Variants in AKAP19 observed in about 807,000 individuals in gnomAD.
AKAP19 encodes A-kinase anchoring protein 19.
At chr2:190,200,510 T>TTTTG in the AKAP19 span, 7 of 188,858 alleles carry the variant, frequency 3.7e-5, no homozygotes, top group Non-Finnish European at 7.4e-5. Context: ...AAATAACAAT[T>TTTTG]TTTGTTTGTT....
the AKAP19 span, chr2:190,060,048 C>A: frequency 6.2e-7 from 1 of 1,609,052 alleles, no homozygotes; most frequent in South Asian, 1.1e-5. Flanking sequence ...ATGTTATTTT[C>A]AGTTATCACT....
the AKAP19 span, among the ~76,000 whole-genome samples, chr2:189,905,314 TTTA>T: frequency 1.3e-5 from 2 of 152,012 alleles, no homozygotes; most frequent in African/African-American, 4.8e-5. Context: ...TATTTTGAGC[TTTA>T]TTATTTTATT....
chr2:189,904,737 T>C, the AKAP19 span, among the ~76,000 whole-genome samples: 1 of 152,030 alleles, frequency 6.6e-6, no homozygotes. Context: ...ACAAAAGAGA[T>C]AATTTTATGT....
the AKAP19 span, among the ~76,000 whole-genome samples, chr2:189,927,569 G>A: frequency 6.6e-6 from 1 of 152,112 alleles, no homozygotes; most frequent in Admixed American, 6.5e-5. Flanking sequence ...AAATATTAAC[G>A]TTTTACCACA....
At chr2:189,938,493 C>T in the AKAP19 span, among the ~76,000 whole-genome samples, 1 of 152,082 alleles carries the variant, frequency 6.6e-6, no homozygotes, top group Non-Finnish European at 1.5e-5. Context: ...ACAAACATCG[C>T]ATGTTCTCAC....
At chr2:190,126,796 T>C in the AKAP19 span, among the ~76,000 whole-genome samples, 1 of 152,106 alleles carries the variant, frequency 6.6e-6, no homozygotes, top group Admixed American at 6.5e-5. Context: ...AGATGGTTTT[T>C]ACTTAAATGA....
At chr2:190,044,477 T>C in the AKAP19 span, among the ~76,000 whole-genome samples, 3 of 152,142 alleles carry the variant, frequency 2.0e-5, no homozygotes, top group African/African-American at 7.2e-5. Flanking sequence ...TTTGGGTCTT[T>C]GCTCCTTCGT....
chr2:190,128,782 A>C, the AKAP19 span, among the ~76,000 whole-genome samples: 1 of 152,374 alleles, frequency 6.6e-6, no homozygotes, highest in African/African-American at 2.4e-5. Flanking sequence ...GTAGAAATGT[A>C]TAAAGAAGAA....
At chr2:189,956,201 G>T in the AKAP19 span, among the ~76,000 whole-genome samples, 1 of 129,448 alleles carries the variant, frequency 7.7e-6, no homozygotes, top group South Asian at 2.5e-4. Context: ...ACGGAGTCTC[G>T]CTCTGTCGCC....
At chr2:189,913,912 G>A in the AKAP19 span, among the ~76,000 whole-genome samples, 1 of 151,962 alleles carries the variant, frequency 6.6e-6, no homozygotes, top group Non-Finnish European at 1.5e-5. Flanking sequence ...AAATTAATAT[G>A]AAAAAAGCCC....
At chr2:190,200,153 G>A in the AKAP19 span, 1 of 1,612,036 alleles carries the variant, frequency 6.2e-7, no homozygotes. Context: ...CCTTGAGGCT[G>A]TAGGATGACA....
chr2:189,893,725 T>G, the AKAP19 span, among the ~76,000 whole-genome samples: 1 of 152,130 alleles, frequency 6.6e-6, no homozygotes, highest in African/African-American at 2.4e-5. Context: ...TCTCTAACCA[T>G]GGGTTCTGCA....
the AKAP19 span, among the ~76,000 whole-genome samples, chr2:190,101,412 G>A: frequency 1.3e-5 from 2 of 152,156 alleles, no homozygotes; most frequent in Non-Finnish European, 2.9e-5. Flanking sequence ...CTGCTCCCCT[G>A]AGAGGATAGC....
chr2:189,984,910 G>A, the AKAP19 span, among the ~76,000 whole-genome samples: 2 of 152,150 alleles, frequency 1.3e-5, no homozygotes, highest in South Asian at 4.2e-4. Flanking sequence ...CCCACCAAGA[G>A]TACACAAGCA....
At chr2:189,881,995 G>A in the AKAP19 span, among the ~76,000 whole-genome samples, 2 of 152,092 alleles carry the variant, frequency 1.3e-5, no homozygotes, top group Non-Finnish European at 2.9e-5. Flanking sequence ...GGCTTTGATG[G>A]AACTTTGTTC....
the AKAP19 span, chr2:190,180,556 C>G: frequency 1.0e-6 from 1 of 985,832 alleles, no homozygotes; most frequent in Non-Finnish European, 1.2e-6. The surrounding 1 kb of genome is among the most constrained non-coding windows in gnomAD (Gnocchi z 6.8). Flanking sequence ...GCTGCGGCGC[C>G]GGCAGCTGCT....
chr2:189,970,059 G>A, the AKAP19 span, among the ~76,000 whole-genome samples: 1 of 151,490 alleles, frequency 6.6e-6, no homozygotes, highest in East Asian at 2.0e-4. Context: ...ATAGAGATGG[G>A]GTTTCACCAT....
At chr2:190,193,244 T>C in the AKAP19 span, among the ~76,000 whole-genome samples, 1 of 152,156 alleles carries the variant, frequency 6.6e-6, no homozygotes, top group Non-Finnish European at 1.5e-5. Flanking sequence ...GTTAATATAG[T>C]GAATTATATC....
At chr2:190,119,838 T>C in the AKAP19 span, among the ~76,000 whole-genome samples, 1 of 151,622 alleles carries the variant, frequency 6.6e-6, no homozygotes, top group Non-Finnish European at 1.5e-5. Flanking sequence ...AGCAAAGAAA[T>C]GAAAAGTGGT....
Sources: gnomAD v4.1 joint callset for allele counts (sites outside exome capture counted in the v4.1 genomes callset) on GRCh38, gnomAD v4.1.1 for gene constraint, Gnocchi (gnomAD v3.1) non-coding constraint, MANE v1.5 for transcripts, NCBI Gene and HGNC (gene_info 2026-07-23, HGNC 2026-07-21) for gene names.